Variants in WDR45B observed in about 807,000 individuals in gnomAD.
WDR45B encodes WD repeat domain phosphoinositide-interacting protein 3.
WDR45B carries 20 observed loss-of-function variants against 44.6 expected under a neutral mutation model. The observed-to-expected ratio is 0.45, with a 90% confidence interval of 0.32 to 0.65. WDR45B has a LOEUF of 0.65. Ranked by LOEUF, WDR45B falls within the 30% of genes least tolerant of loss-of-function variation. The probability of loss-of-function intolerance (pLI) is 0.05; values close to 1 mark genes in which losing one functional copy is unlikely to be tolerated. For synonymous variants in WDR45B, 169 were observed against 164.9 expected, an observed-to-expected ratio of 1.02 and a Z score of -0.19; for missense variants, 323 against 430.2, an observed-to-expected ratio of 0.75 and a Z score of 2.20.
At chr17:82,645,977 C>T (rs1368461090) in intron 1 of WDR45B, among the ~76,000 whole-genome samples, 4 of 151,732 alleles carry the variant, frequency 2.6e-5, no homozygotes, top group Admixed American at 2.6e-4. Flanking sequence ...AAAAATTAGC[C>T]GGGAGCGGTG....
At chr17:82,642,073 G>C (rs1478430086) in intron 2 of WDR45B, among the ~76,000 whole-genome samples, 1 of 152,132 alleles carries the variant, frequency 6.6e-6, no homozygotes, top group African/African-American at 2.4e-5. Context: ...GGAGGGCTTG[G>C]AAACTCCATA....
At chr17:82,624,416 C>G (rs2045664053) in intron 5 of WDR45B, among the ~76,000 whole-genome samples, 2 of 152,102 alleles carry the variant, frequency 1.3e-5, no homozygotes, top group African/African-American at 4.8e-5. Context: ...CACCCGCCAC[C>G]ACATCCAGCT....
At position 82,648,275 on chromosome 17, in the gene WDR45B, G is replaced by A. The variant is rs914656753; in HGVS notation, c.66C>T (p.His22=). 5.0e-6 allele frequency: 8 copies of A among 1,605,944 alleles called. No individual in the cohort carries two copies. The African/African-American group carries it at 6.7e-5, about 14-fold the overall frequency. The change falls in exon 1 of 10, where the codon CAC becomes CAT. Residue 22 remains histidine, a splice_region_variant and synonymous_variant. Transcript: ENST00000392325. ...GLLYAGFNQD[H]GCFACGMENG... ...GGCGACAGGGCCGCGCCTCCTCACC[G>A]TGGTCCTGGTTGAAGCCGGCGTAGA... is the stretch of plus-strand genomic sequence containing the variant.
Position 82,648,344 on chromosome 17 carries a change from G to C in WDR45B, c.-4C>G. 1 of 1,605,458 alleles carries C rather than the reference G, an allele frequency of 6.2e-7. No homozygotes were observed. Among genetic ancestry groups the C allele is most frequent in the Non-Finnish European group, 8.5e-7 (1 of 1,177,532 alleles). Reference sequence around the variant, plus strand: ...GGTTACACGGCAGGAGGTTCATGGCGCCGCCGTGCTGGGTCGCCGCTCCTC... The same window carrying C: ...GGTTACACGGCAGGAGGTTCATGGCCCCGCCGTGCTGGGTCGCCGCTCCTC... On this transcript the variant is annotated 5_prime_UTR_variant, in exon 1 of 10. Transcript: ENST00000392325.
chr17:82,625,105 T>A (rs778122145), intron 5 of WDR45B, among the ~76,000 whole-genome samples: 9 of 152,118 alleles, frequency 5.9e-5, no homozygotes, highest in Non-Finnish European at 1.0e-4. Flanking sequence ...GCTCCCGAAG[T>A]GGTGAAAACA....
intron 2 of WDR45B, among the ~76,000 whole-genome samples, chr17:82,643,103 T>C (rs2045937073): frequency 1.3e-5 from 2 of 152,300 alleles, no homozygotes; most frequent in Non-Finnish European, 2.9e-5. Context: ...ACAATAACTC[T>C]GAGGCAGGCA....
At chr17:82,626,890 T>C (rs2045705536) in intron 4 of WDR45B, 2 of 415,890 alleles carry the variant, frequency 4.8e-6, no homozygotes, top group Non-Finnish European at 8.9e-6. Context: ...GGCTCAAAAC[T>C]CATGTCCTCA....
chr17:82,643,018 G>A (rs2045935936), intron 2 of WDR45B, among the ~76,000 whole-genome samples: 1 of 152,164 alleles, frequency 6.6e-6, no homozygotes, highest in African/African-American at 2.4e-5. Flanking sequence ...AGTGTATGTG[G>A]CATCATACAC....
intron 3 of WDR45B, among the ~76,000 whole-genome samples, chr17:82,628,354 C>G (rs573051592): frequency 6.6e-5 from 10 of 152,194 alleles, no homozygotes; most frequent in Non-Finnish European, 1.5e-4. Flanking sequence ...TTGCAACATT[C>G]TATTAGCATA....
intron 6 of WDR45B, among the ~76,000 whole-genome samples, chr17:82,621,294 T>TC (rs2045612796): frequency 6.6e-6 from 1 of 152,218 alleles, no homozygotes; most frequent in Non-Finnish European, 1.5e-5. Context: ...CCTCAAGTGA[T>TC]CCGCCTGCCT....
chr17:82,628,924 G>A (rs1174947999), intron 3 of WDR45B, among the ~76,000 whole-genome samples: 2 of 151,462 alleles, frequency 1.3e-5, no homozygotes, highest in African/African-American at 2.4e-5. Context: ...ACCTGAGCCT[G>A]GGGAGGTAGA....
chr17:82,617,826 G>T (rs531790356), intron 7 of WDR45B, among the ~76,000 whole-genome samples: 1 of 152,230 alleles, frequency 6.6e-6, no homozygotes, highest in Non-Finnish European at 1.5e-5. Context: ...GGCATTGGCC[G>T]TGTGCTGTCT....
At chr17:82,622,214 G>A (rs2045628784) in intron 5 of WDR45B, among the ~76,000 whole-genome samples, 1 of 152,182 alleles carries the variant, frequency 6.6e-6, no homozygotes, top group Non-Finnish European at 1.5e-5. Context: ...GTTAACAGAT[G>A]TACAAGACCT....
chr17:82,617,764 T>C (rs1310795030), intron 7 of WDR45B, among the ~76,000 whole-genome samples: 2 of 152,164 alleles, frequency 1.3e-5, no homozygotes, highest in Non-Finnish European at 2.9e-5. Context: ...CCAATGATCC[T>C]GGCCTCAGGA....
intron 1 of WDR45B, among the ~76,000 whole-genome samples, chr17:82,648,058 G>A (rs1441385455): frequency 6.7e-6 from 1 of 149,240 alleles, no homozygotes; most frequent in African/African-American, 2.5e-5. Context: ...AGGCCAGGAA[G>A]GTGGGAGCCG....
chr17:82,632,329 T>C (rs1235655050), intron 2 of WDR45B, among the ~76,000 whole-genome samples: 2 of 151,970 alleles, frequency 1.3e-5, no homozygotes, highest in Non-Finnish European at 2.9e-5. Flanking sequence ...GCCTGGTTAA[T>C]TTTTTCAGAA....
At chr17:82,640,689 T>C (rs1225292142) in intron 2 of WDR45B, among the ~76,000 whole-genome samples, 1 of 152,128 alleles carries the variant, frequency 6.6e-6, no homozygotes, top group East Asian at 1.9e-4. Context: ...GATGAGTCTG[T>C]AAGTGCAGAG....
At chr17:82,628,401 C>A (rs968948230) in intron 3 of WDR45B, among the ~76,000 whole-genome samples, 3 of 152,048 alleles carry the variant, frequency 2.0e-5, no homozygotes, top group African/African-American at 7.2e-5. Flanking sequence ...AATGTACCGA[C>A]AAGCTTTAGG....
chr17:82,646,488 CA>C (rs779661551), intron 1 of WDR45B, among the ~76,000 whole-genome samples: 79 of 19,948 alleles, frequency 4.0e-3, no homozygotes, highest in Admixed American at 5.6e-3. Flanking sequence ...AACTCCGTCT[CA>C]AAAAAAAAAA....
Sources: gnomAD v4.1 joint callset for allele counts (sites outside exome capture counted in the v4.1 genomes callset) on GRCh38, gnomAD v4.1.1 for gene constraint, MANE v1.5 for transcripts, NCBI Gene and HGNC (gene_info 2026-07-23, HGNC 2026-07-21) for gene names.